The following CLPB variants were observed in gnomAD, a reference collection of about 807,000 sequenced individuals.
CLPB encodes ClpB family mitochondrial disaggregase.
CLPB carries 40 observed loss-of-function variants against 78.4 expected under a neutral mutation model. That is an observed-to-expected ratio of 0.51 (90% CI 0.40 to 0.66). The LOEUF (loss-of-function observed/expected upper bound fraction) is 0.66. CLPB is among the 30% of genes least tolerant of loss of function. The pLI is 0.00. For missense variants in CLPB, 780 were observed against 886.9 expected, an observed-to-expected ratio of 0.88 and a Z score of 1.53; for synonymous variants, 333 against 348.0, an observed-to-expected ratio of 0.96 and a Z score of 0.48.
chr11:72,342,157 C>T (rs537489224), intron 5 of CLPB, among the ~76,000 whole-genome samples: 2 of 152,126 alleles, frequency 1.3e-5, no homozygotes, highest in African/African-American at 2.4e-5. Context: ...TGGATTTGGA[C>T]GCATTGAGGA....
At chr11:72,356,427 G>A (rs774027290) in intron 5 of CLPB, among the ~76,000 whole-genome samples, 1 of 152,152 alleles carries the variant, frequency 6.6e-6, no homozygotes, top group Non-Finnish European at 1.5e-5. Flanking sequence ...GCAGGATCCT[G>A]CCTCTCGGTT....
At chr11:72,302,740 T>G (rs1478485910) in intron 9 of CLPB, 1 of 260,188 alleles carries the variant, frequency 3.8e-6, no homozygotes, top group East Asian at 8.6e-5. Flanking sequence ...TCTCTGTCCT[T>G]AAGAAGCACC....
At chr11:72,328,501 C>T (rs1950167944) in intron 6 of CLPB, among the ~76,000 whole-genome samples, 1 of 152,170 alleles carries the variant, frequency 6.6e-6, no homozygotes. Context: ...AGCCCAAGGT[C>T]ACATGGGCAG....
At chr11:72,391,427 C>T (rs1855251869) in intron 3 of CLPB, among the ~76,000 whole-genome samples, 1 of 152,218 alleles carries the variant, frequency 6.6e-6, no homozygotes, top group Admixed American at 6.5e-5. Flanking sequence ...GGCCTGCTTA[C>T]TTTTATTTGC....
chr11:72,331,403 C>T (rs941954660), intron 5 of CLPB, among the ~76,000 whole-genome samples: 1 of 114,436 alleles, frequency 8.7e-6, no homozygotes, highest in Non-Finnish European at 1.9e-5. Flanking sequence ...GACTCTGTCT[C>T]AAAAAAAAAA....
In CLPB at chr11:72,418,487, A is replaced by G. The variant is rs760418021; in HGVS notation, c.455+11825T>C. Among the ~76,000 whole-genome samples, 4 of 152,360 alleles carry G rather than the reference A, an allele frequency of 2.6e-5. No homozygotes were observed. In the East Asian group the frequency reaches 7.7e-4, roughly 29 times the overall value. On this transcript the variant is annotated intron_variant, in intron 2 of 15. Transcript: ENST00000538039. ...TTTTCCAAGGTCACAGAACTAACCAATGGTCACAGCCAGGATTCAAGCCTT... is the reference window on the plus strand; with the variant it reads ...TTTTCCAAGGTCACAGAACTAACCAGTGGTCACAGCCAGGATTCAAGCCTT...
intron 2 of CLPB, among the ~76,000 whole-genome samples, chr11:72,404,026 C>T (rs1855634294): frequency 6.6e-6 from 1 of 152,198 alleles, no homozygotes; most frequent in South Asian, 2.1e-4. Context: ...GGTGAAATGA[C>T]TTCCTTAAGG....
intron 2 of CLPB, among the ~76,000 whole-genome samples, chr11:72,422,842 G>A (rs1203117051): frequency 6.6e-6 from 1 of 152,132 alleles, no homozygotes; most frequent in South Asian, 2.1e-4. Flanking sequence ...CAATGTGCAG[G>A]ACATTTACCT....
At chr11:72,373,442 G>A (rs1951082282) in intron 4 of CLPB, among the ~76,000 whole-genome samples, 1 of 152,164 alleles carries the variant, frequency 6.6e-6, no homozygotes, top group African/African-American at 2.4e-5. Context: ...GCCACAAGTG[G>A]AACACTCCTG....
chr11:72,349,842 A>G (rs1029423020), intron 5 of CLPB, among the ~76,000 whole-genome samples: 6 of 152,240 alleles, frequency 3.9e-5, no homozygotes, highest in Non-Finnish European at 5.9e-5. Context: ...AGGAGAGTGT[A>G]GGACACGGAA....
intron 6 of CLPB, among the ~76,000 whole-genome samples, chr11:72,318,543 AAG>A (rs1233396461): frequency 1.3e-5 from 2 of 152,224 alleles, no homozygotes; most frequent in Non-Finnish European, 2.9e-5. Flanking sequence ...TCTTTCTGGA[AAG>A]AGAGCTGTCA....
chr11:72,296,366 A>C (rs941348206), intron 11 of CLPB, among the ~76,000 whole-genome samples: 1 of 152,216 alleles, frequency 6.6e-6, no homozygotes, highest in Non-Finnish European at 1.5e-5. Context: ...GTTTCCTTGG[A>C]ATCTTCAGCT....
Position 72,289,887 on chromosome 11 carries a change from A to T in CLPB, c.*3480T>A, listed in dbSNP as rs1238040373. The stretch of plus-strand genomic sequence containing the variant: ...CACCATACCTGGCTCACGGTTTTTA[A>T]TAACATACAGATGGATAGAATAATA... On this transcript the variant is annotated 3_prime_UTR_variant, in exon 16 of 16. Transcript: ENST00000538039. 6.6e-6 allele frequency: 1 copy of T among 152,176 alleles called. No individual in the cohort carries two copies. Among genetic ancestry groups the T allele is most frequent in the Non-Finnish European group, 1.5e-5 (1 of 68,030 alleles). The allele number at this position is 152,176 out of a possible 1,614,324, so 9.4% of individuals were successfully genotyped here.
intron 3 of CLPB, among the ~76,000 whole-genome samples, chr11:72,381,682 A>T (rs911508313): frequency 6.6e-6 from 1 of 151,986 alleles, no homozygotes; most frequent in Non-Finnish European, 1.5e-5. Flanking sequence ...TATCAGGCCT[A>T]CACCAGCAGA....
intron 5 of CLPB, chr11:72,336,507 C>A (rs1233909490): frequency 6.6e-6 from 1 of 152,178 alleles, no homozygotes; most frequent in Non-Finnish European, 1.5e-5. Flanking sequence ...CTACCACCTA[C>A]CACTAAGGGC....
chr11:72,426,217 G>T (rs1425116864), intron 2 of CLPB, among the ~76,000 whole-genome samples: 1 of 152,148 alleles, frequency 6.6e-6, no homozygotes, highest in South Asian at 2.1e-4. Flanking sequence ...AAGGGAGATG[G>T]GTAGGGGTGT....
intron 3 of CLPB, among the ~76,000 whole-genome samples, chr11:72,388,250 CTT>C (rs60096746): frequency 3.6e-4 from 49 of 137,982 alleles, no homozygotes; most frequent in Non-Finnish European, 4.2e-4. Context: ...TTCCCTTCCC[CTT>C]TTTTTTTTTT....
At chr11:72,356,177 G>C (rs1950709254) in intron 5 of CLPB, among the ~76,000 whole-genome samples, 1 of 152,156 alleles carries the variant, frequency 6.6e-6, no homozygotes, top group South Asian at 2.1e-4. Flanking sequence ...CTAGCTACTT[G>C]GGAGGCTGAA....
chr11:72,329,042 TG>T (rs1400052025), intron 6 of CLPB, among the ~76,000 whole-genome samples: 1 of 152,250 alleles, frequency 6.6e-6, no homozygotes, highest in African/African-American at 2.4e-5. Context: ...TCACTGGACT[TG>T]ATTTCTAAGG....
Sources: allele counts gnomAD v4.1 joint callset (sites outside exome capture counted in the v4.1 genomes callset), GRCh38; gene constraint gnomAD v4.1.1; transcripts MANE v1.5; gene names NCBI Gene and HGNC (gene_info 2026-07-23, HGNC 2026-07-21).